The following OC90 variants were observed in gnomAD, a reference collection of about 807,000 sequenced individuals.
The protein encoded by OC90 is otoconin-90.
In OC90, 46 loss-of-function variants were observed where a neutral mutation model predicts 47.3. The observed-to-expected ratio is 0.97, with a 90% confidence interval of 0.77 to 1.24. The LOEUF (loss-of-function observed/expected upper bound fraction) is 1.24. Among genes scored for constraint, OC90 ranks in the 50% most tolerant of loss-of-function variants. The probability of loss-of-function intolerance (pLI) is 0.00; values close to 1 mark genes in which losing one functional copy is unlikely to be tolerated. For synonymous variants in OC90, 271 were observed against 219.5 expected (o/e 1.23, Z -2.07); for missense variants, 688 against 583.9 (o/e 1.18, Z -1.84).
chr8:132,040,433 T>C (rs1376551710), intron 6 of OC90, among the ~76,000 whole-genome samples: 1 of 152,218 alleles, frequency 6.6e-6, no homozygotes, highest in Non-Finnish European at 1.5e-5. Flanking sequence ...CCTTTGCGTA[T>C]TCTACCTCTG....
At chr8:132,053,079 G>T (rs1230565075) in intron 2 of OC90, among the ~76,000 whole-genome samples, 1 of 152,074 alleles carries the variant, frequency 6.6e-6, no homozygotes, top group African/African-American at 2.4e-5. Context: ...GGCCTGGGAT[G>T]CCTTCCCCTT....
Position 132,041,172 on chromosome 8 carries a change from G to A in OC90, c.345-16C>T. The A allele has an allele frequency of 1.3e-6, 2 of 1,548,106 alleles. No individual in the cohort carries two copies. The highest frequency in any genetic ancestry group is 1.8e-6 in the Non-Finnish European group (2 of 1,120,148). ...GAAGCAGCAGCTGTAGGAAGGCCGGGAGGAGGCAGGGTGAGAGTGTGGGTT... is the reference window on the plus strand; with the variant it reads ...GAAGCAGCAGCTGTAGGAAGGCCGGAAGGAGGCAGGGTGAGAGTGTGGGTT... On this transcript the variant is annotated splice_polypyrimidine_tract_variant and intron_variant, in intron 5 of 13. Coordinates refer to ENST00000254627, the MANE Select transcript of OC90 (RefSeq NM_001080399.3).
chr8:132,033,072 C>T lies in OC90; in HGVS notation c.826G>A (p.Val276Ile), dbSNP rs747627527. The T allele has an allele frequency of 1.2e-6, 2 of 1,610,602 alleles. No homozygotes were observed. The highest frequency in any genetic ancestry group is 8.5e-7 in the Non-Finnish European group (1 of 1,178,548). ...IKSLGLAVSSVENDPEETTEK... is the reference protein window; with the variant it reads ...IKSLGLAVSSIENDPEETTEK... Reference sequence around the variant, plus strand: ...GTGGTCTCCTCAGGATCATTTTCAACAGATGACACTGCCAGCCCCAGAGAT... The same window carrying T: ...GTGGTCTCCTCAGGATCATTTTCAATAGATGACACTGCCAGCCCCAGAGAT... The change falls in exon 11 of 14, where the codon GTT (valine) becomes ATT (isoleucine). Residue 276 changes from valine to isoleucine, a missense_variant. Transcript: ENST00000254627.
intron 1 of OC90, among the ~76,000 whole-genome samples, chr8:132,056,119 T>G (rs917024411): frequency 6.6e-6 from 1 of 152,204 alleles, no homozygotes; most frequent in Admixed American, 6.5e-5. Context: ...GTACATGTTG[T>G]GCACTGCACA....
intron 9 of OC90, 67 bp downstream of exon 9, chr8:132,037,371 A>C (rs1822983939): frequency 6.1e-6 from 8 of 1,308,762 alleles, no homozygotes; most frequent in Non-Finnish European, 8.6e-6. Context: ...GGTTGTTTAA[A>C]CGTGTATAGT....
intron 12 of OC90, among the ~76,000 whole-genome samples, chr8:132,031,315 C>T (rs6984775): frequency 0.028 from 4,196 of 152,196 alleles, 188 homozygotes; most frequent in African/African-American, 0.093. Context: ...AAAGCTCAAG[C>T]GGTATGGGTT....
chr8:132,034,300 C>A (rs1319160586), intron 10 of OC90, among the ~76,000 whole-genome samples: 1 of 152,140 alleles, frequency 6.6e-6, no homozygotes, highest in African/African-American at 2.4e-5. Context: ...TTAATAATAC[C>A]TCTTTTGGTG....
chr8:132,031,356 A>C (rs1032790339), intron 12 of OC90, among the ~76,000 whole-genome samples: 6 of 152,198 alleles, frequency 3.9e-5, no homozygotes, highest in African/African-American at 1.4e-4. Context: ...GAATACATTA[A>C]TAAGTGCATG....
At chr8:132,026,523 C>G (rs976946101) in intron 13 of OC90, among the ~76,000 whole-genome samples, 2 of 152,210 alleles carry the variant, frequency 1.3e-5, no homozygotes, top group African/African-American at 4.8e-5. Context: ...TCTGTCCTTC[C>G]TCCCTGCATT....
chr8:132,030,586 C>T (rs1822859288), intron 12 of OC90, among the ~76,000 whole-genome samples: 1 of 152,228 alleles, frequency 6.6e-6, no homozygotes, highest in African/African-American at 2.4e-5. Context: ...AAAACCTTGA[C>T]ACTATTTAAA....
rs780520691 is a variant in OC90, at chr8:132,041,703, TG to T, written c.170-5del. On this transcript the variant is annotated splice_region_variant and splice_polypyrimidine_tract_variant and intron_variant, in intron 4 of 13. Transcript: ENST00000254627. ...GTGAAGTGGGGGCCCAGGCAATCTG[TG>T]GGGGTGGGGGGCAGGGCCTGATAAG... 4 of 613,408 alleles carry T rather than the reference TG, an allele frequency of 6.5e-6. No individual in the cohort carries two copies. Among genetic ancestry groups the T allele is most frequent in the Non-Finnish European group, 9.6e-6 (4 of 415,524 alleles). 38.0% of individuals were successfully genotyped at this position (613,408 alleles called of 1,614,324 possible).
At chr8:132,041,235 G>T in intron 5 of OC90, 79 bp from the exon 6 acceptor site, 2 of 869,488 alleles carry the variant, frequency 2.3e-6, no homozygotes, top group Non-Finnish European at 3.9e-6. Flanking sequence ...ATCTTTCTGT[G>T]TCTCTGGATG....
Position 132,041,086 on chromosome 8 carries a change from G to A in OC90, c.415C>T (p.Leu139Phe). 2 of 1,613,450 alleles carry A rather than the reference G, an allele frequency of 1.2e-6. No individual in the cohort carries two copies. Among genetic ancestry groups the A allele is most frequent in the African/African-American group, 1.3e-5 (1 of 75,056 alleles). ...CTGACACAATTGACCTCTGTGCTAA[G>A]TTTGGCGGGGTCTTGGAGACAGTCC... ...EMDCLQDPAKLSTEVNCVSKK... is the reference protein window; with the variant it reads ...EMDCLQDPAKFSTEVNCVSKK... Residue 139 changes from leucine (L) to phenylalanine (F), a missense_variant, in exon 6 of 14, where the codon CTT becomes TTT. Transcript: ENST00000254627.
At chr8:132,027,208 T>A (rs1822772518) in intron 13 of OC90, among the ~76,000 whole-genome samples, 1 of 152,240 alleles carries the variant, frequency 6.6e-6, no homozygotes, top group Non-Finnish European at 1.5e-5. Context: ...GTTAGTCGCT[T>A]GCCTACATCA....
rs138936957 is a variant in OC90 at position 132,042,839 on chromosome 8, C to G, written c.170-1140G>C. Among the ~76,000 whole-genome samples, 1,233 of 152,290 alleles carry G rather than the reference C, an allele frequency of 8.1e-3. 19 individuals are homozygous for G. Among genetic ancestry groups the G allele is most frequent in the African/African-American group, 0.028 (1,177 of 41,572 alleles). ...GTGGGAATGCAAACTAGTTCAGCTA[C>G]TGTGAAAAGCAATTTGGAGATTTCT... On this transcript the variant is annotated intron_variant, in intron 4 of 13. Coordinates refer to ENST00000254627, the MANE Select transcript of OC90 (RefSeq NM_001080399.3).
At chr8:132,056,792 T>C (rs1343048224) in intron 1 of OC90, among the ~76,000 whole-genome samples, 3 of 152,228 alleles carry the variant, frequency 2.0e-5, no homozygotes, top group Admixed American at 2.0e-4. Context: ...ATTGAAATGA[T>C]ACCCACATGA....
At position 132,057,995 on chromosome 8, in the gene OC90, A is replaced by G. The variant is rs1253979791; in HGVS notation, c.-48+1346T>C. On this transcript the variant is annotated intron_variant, in intron 1 of 13. Coordinates refer to ENST00000254627, the MANE Select transcript of OC90 (RefSeq NM_001080399.3). ...TTGAGACAAACTAAGCATTCCAGTG[A>G]TGACTCACTGCGTAACTGTCACAAT... Among the ~76,000 whole-genome samples, 3 of 152,342 alleles carry G rather than the reference A, an allele frequency of 2.0e-5. No individual in the cohort carries two copies. In the East Asian group the frequency reaches 5.8e-4, roughly 29 times the overall value.
Position 132,033,163 on chromosome 8 carries a change from T to C in OC90, c.735A>G (p.Gly245=), listed in dbSNP as rs769670941. 8 of 1,604,010 alleles carry C rather than the reference T, an allele frequency of 5.0e-6. No individual in the cohort carries two copies. The African/African-American group carries it at 1.1e-4, about 21-fold the overall frequency. ...CCCTTGTTGCAACTATCTCTGCAGA[T>C]CCTGAAAATGAAAAACTTCATGATT... ...VGAARATSPP[G]SAEIVATRVT... Residue 245 remains glycine, a splice_region_variant and synonymous_variant, in exon 11 of 14, where the codon GGA becomes GGG. Coordinates refer to ENST00000254627, the MANE Select transcript of OC90 (RefSeq NM_001080399.3).
intron 1 of OC90, among the ~76,000 whole-genome samples, chr8:132,057,816 G>A (rs1401157258): frequency 2.6e-5 from 4 of 152,172 alleles, no homozygotes; most frequent in African/African-American, 7.2e-5. Flanking sequence ...CTATCAAGAC[G>A]TCTCACTTTC....
Sources: allele counts gnomAD v4.1 joint callset (sites outside exome capture counted in the v4.1 genomes callset), GRCh38; gene constraint gnomAD v4.1.1; transcripts MANE v1.5; gene names NCBI Gene and HGNC (gene_info 2026-07-23, HGNC 2026-07-21).